The following BTBD9 variants were observed in gnomAD, a reference collection of about 807,000 sequenced individuals.
BTBD9 encodes the protein BTB/POZ domain-containing protein 9.
A neutral mutation model predicts 64.3 loss-of-function variants in BTBD9; 49 were observed. The ratio of observed to expected loss-of-function variants is 0.76; its 90% CI spans 0.61 to 0.97. The LOEUF is 0.97. Ranked by LOEUF, BTBD9 falls within the 50% of genes least tolerant of loss-of-function variation. The pLI is 0.00. For synonymous variants in BTBD9, 260 were observed against 274.7 expected (o/e 0.95, Z 0.53); for missense variants, 598 against 762.1 (o/e 0.78, Z 2.53).
chr6:38,240,702 A>G (rs1763963288), intron 9 of BTBD9, among the ~76,000 whole-genome samples: 1 of 152,230 alleles, frequency 6.6e-6, no homozygotes, highest in African/African-American at 2.4e-5. Flanking sequence ...AGCAATGTGA[A>G]GGCATAAATT....
Position 38,174,734 on chromosome 6 carries a change from G to A in BTBD9, c.*251C>T. The A allele has an allele frequency of 3.8e-6, 2 of 525,050 alleles. No homozygotes were observed. The highest frequency in any genetic ancestry group is 3.4e-6 in the Non-Finnish European group (1 of 297,136). 32.5% of individuals were successfully genotyped at this position (525,050 alleles called of 1,614,324 possible). A position where few individuals can be genotyped will look rare whatever the true frequency, so the allele number is the denominator to read the frequency against. ...TTAGAGAGGTAGGGTGTTAATGGTG[G>A]ACTTGATGAAGATTGAAGACCCATT... On this transcript the variant is annotated 3_prime_UTR_variant, in exon 11 of 11. Coordinates refer to ENST00000481247, the MANE Select transcript of BTBD9 (RefSeq NM_001099272.2).
chr6:38,572,498 T>C (rs1775816507), intron 6 of BTBD9, among the ~76,000 whole-genome samples: 1 of 152,022 alleles, frequency 6.6e-6, no homozygotes, highest in Non-Finnish European at 1.5e-5. Flanking sequence ...ATGACACATA[T>C]GGCACACACA....
At chr6:38,181,368 T>TTG (rs1761546123) in intron 10 of BTBD9, among the ~76,000 whole-genome samples, 1 of 152,232 alleles carries the variant, frequency 6.6e-6, no homozygotes, top group African/African-American at 2.4e-5. Flanking sequence ...AATAGATATC[T>TTG]ACCTCTTGAT....
At chr6:38,604,313 GACC>G (rs1777352444) in intron 1 of BTBD9, among the ~76,000 whole-genome samples, 1 of 150,198 alleles carries the variant, frequency 6.7e-6, no homozygotes, top group African/African-American at 2.4e-5. Context: ...GCTCCGGTTT[GACC>G]ACTAAAGAAT....
intron 6 of BTBD9, among the ~76,000 whole-genome samples, chr6:38,503,471 C>A (rs1772308594): frequency 6.6e-6 from 1 of 152,104 alleles, no homozygotes; most frequent in Admixed American, 6.5e-5. Flanking sequence ...AACATGCTTC[C>A]CCAACAGCCC....
At chr6:38,606,063 C>T (rs532890473) in intron 1 of BTBD9, among the ~76,000 whole-genome samples, 2 of 152,280 alleles carry the variant, frequency 1.3e-5, no homozygotes, top group African/African-American at 2.4e-5. Flanking sequence ...TTCCTGCCTT[C>T]GAACATCAGA....
At chr6:38,465,706 ATTATATATAT>A (rs1470357804) in intron 6 of BTBD9, among the ~76,000 whole-genome samples, 3 of 60,398 alleles carry the variant, frequency 5.0e-5, no homozygotes, top group African/African-American at 2.0e-4. Context: ...AAATAAATAA[ATTATATATAT>A]ATATATATAT....
intron 9 of BTBD9, among the ~76,000 whole-genome samples, chr6:38,238,470 G>GTTTTTTTTTTTTT (rs34641170): frequency 2.3e-5 from 3 of 127,990 alleles, no homozygotes; most frequent in Non-Finnish European, 3.2e-5. Context: ...GGAGACCAAG[G>GTTTTTTTTTTTTT]TTTTTTGTTT....
chr6:38,572,490 G>A (rs1775816312), intron 6 of BTBD9, among the ~76,000 whole-genome samples: 1 of 151,810 alleles, frequency 6.6e-6, no homozygotes, highest in African/African-American at 2.4e-5. Flanking sequence ...TTTTTTCTAT[G>A]ACACATATGG....
At chr6:38,361,533 A>G (rs1005990435) in intron 6 of BTBD9, among the ~76,000 whole-genome samples, 5 of 150,472 alleles carry the variant, frequency 3.3e-5, no homozygotes, top group Non-Finnish European at 5.9e-5. Context: ...ACAGAACGAG[A>G]CCCTGTCTCT....
At chr6:38,346,804 C>G (rs540302358) in intron 6 of BTBD9, among the ~76,000 whole-genome samples, 1 of 152,198 alleles carries the variant, frequency 6.6e-6, no homozygotes, top group Non-Finnish European at 1.5e-5. Context: ...GGAACTCAAC[C>G]AGCATAGCAT....
intron 6 of BTBD9, among the ~76,000 whole-genome samples, chr6:38,477,061 G>T (rs946051704): frequency 6.6e-5 from 10 of 152,188 alleles, no homozygotes; most frequent in Admixed American, 4.6e-4. Flanking sequence ...AGATTAATAA[G>T]GGCTGAGGAC....
intron 6 of BTBD9, among the ~76,000 whole-genome samples, chr6:38,407,061 G>A (rs1767204139): frequency 1.3e-5 from 2 of 152,228 alleles, no homozygotes; most frequent in South Asian, 2.1e-4. Flanking sequence ...AGGCAGAAAT[G>A]GGAGTGAACA....
intron 6 of BTBD9, among the ~76,000 whole-genome samples, chr6:38,399,147 A>G (rs1297163003): frequency 1.3e-5 from 2 of 152,238 alleles, no homozygotes; most frequent in Admixed American, 1.3e-4. Flanking sequence ...TTCTGAACAA[A>G]AACTAAATTA....
intron 6 of BTBD9, among the ~76,000 whole-genome samples, chr6:38,545,522 G>A (rs1042489825): frequency 6.6e-6 from 1 of 152,158 alleles, no homozygotes; most frequent in South Asian, 2.1e-4. Context: ...GCTCATGCCT[G>A]TAATCCCAGC....
At chr6:38,224,388 G>A (rs990605319) in intron 9 of BTBD9, among the ~76,000 whole-genome samples, 3 of 152,162 alleles carry the variant, frequency 2.0e-5, no homozygotes, top group Non-Finnish European at 2.9e-5. Context: ...GGCCATGAGC[G>A]TATTTCTGGA....
At chr6:38,468,302 C>G (rs1770488227) in intron 6 of BTBD9, among the ~76,000 whole-genome samples, 2 of 152,140 alleles carry the variant, frequency 1.3e-5, no homozygotes, top group African/African-American at 4.8e-5. Context: ...TATTCTGACC[C>G]CAACCTATAT....
chr6:38,582,529 G>A (rs1776338195), intron 4 of BTBD9, among the ~76,000 whole-genome samples: 1 of 152,142 alleles, frequency 6.6e-6, no homozygotes, highest in Admixed American at 6.5e-5. Context: ...TGCCTGCAGA[G>A]GCCCTGTTTT....
chr6:38,588,273 C>T (rs1386049836), intron 4 of BTBD9: 8 of 1,150,614 alleles, frequency 7.0e-6, no homozygotes, highest in Non-Finnish European at 1.1e-5. Context: ...CAACTGCCTG[C>T]TCAGCTGCCA....
Sources: gnomAD v4.1 joint callset for allele counts (sites outside exome capture counted in the v4.1 genomes callset) on GRCh38, gnomAD v4.1.1 for gene constraint, MANE v1.5 for transcripts, NCBI Gene and HGNC (gene_info 2026-07-23, HGNC 2026-07-21) for gene names.